Variants in ATP8B1 observed in about 807,000 individuals in gnomAD.
ATP8B1 encodes the protein phospholipid-transporting ATPase IC.
A neutral mutation model predicts 149.9 loss-of-function variants in ATP8B1; 80 were observed. The observed-to-expected ratio is 0.53, with a 90% CI of 0.45 to 0.64. ATP8B1 has a LOEUF of 0.64. Ranked by LOEUF, ATP8B1 falls within the 30% of genes least tolerant of loss-of-function variation. ATP8B1 has a pLI of 0.00. For missense variants in ATP8B1, 1,247 were observed against 1,552.6 expected (o/e 0.80, Z 3.31); for synonymous variants, 536 against 562.8 (o/e 0.95, Z 0.67).
At position 57,647,198 on chromosome 18, in the gene ATP8B1, C is replaced by A. The variant is rs1319782606; in HGVS notation, c.*1290G>T. The stretch of plus-strand genomic sequence containing the variant: ...ACTGATATCCTCAGTTTTTAAAAAC[C>A]CCCTTTTTAAGCCCATAAATATTTA... On this transcript the variant is annotated 3_prime_UTR_variant, in exon 28 of 28. Coordinates refer to ENST00000648908, the MANE Select transcript of ATP8B1 (RefSeq NM_001374385.1). The A allele has an allele frequency of 6.6e-6, 1 of 152,024 alleles. No homozygotes were observed. The highest frequency in any genetic ancestry group is 1.5e-5 in the Non-Finnish European group (1 of 67,984). The allele number at this position is 152,024 out of a possible 1,614,324, so 9.4% of individuals were successfully genotyped here.
At chr18:57,713,561 G>C (rs1913840962) in intron 2 of ATP8B1, among the ~76,000 whole-genome samples, 1 of 151,400 alleles carries the variant, frequency 6.6e-6, no homozygotes, top group African/African-American at 2.4e-5. Flanking sequence ...TGCGATCTCA[G>C]CTCACTGCAA....
chr18:57,648,416 A>T lies in ATP8B1; in HGVS notation c.*72T>A, dbSNP rs538588768. 1.5e-4 allele frequency: 235 copies of T among 1,522,766 alleles called. No homozygotes were observed. Among genetic ancestry groups the T allele is most frequent in the Non-Finnish European group, 2.1e-4 (227 of 1,100,976 alleles). The allele number at this position is 1,522,766 out of a possible 1,614,324, so 94.3% of individuals were successfully genotyped here. On this transcript the variant is annotated 3_prime_UTR_variant, in exon 28 of 28. Transcript: ENST00000648908. ...TGATGAATGCAATTCACACACACAC[A>T]CAAAGTCCTGAGAGTCTTTCATAAA...
intron 2 of ATP8B1, among the ~76,000 whole-genome samples, chr18:57,730,395 A>C (rs77003136): frequency 7.6e-3 from 2 of 264 alleles, no homozygotes; most frequent in African/African-American, 0.012. Flanking sequence ...ACACTATGAT[A>C]ATGATTTCTG....
intron 6 of ATP8B1, among the ~76,000 whole-genome samples, chr18:57,698,996 A>T (rs1912975253): frequency 6.6e-6 from 1 of 152,200 alleles, no homozygotes; most frequent in Admixed American, 6.5e-5. Context: ...TGCCTCCAAC[A>T]TGCAGAAAGT....
chr18:57,735,244 C>A, intron 1 of ATP8B1: 1 of 169,246 alleles, frequency 5.9e-6, no homozygotes, highest in Non-Finnish European at 1.2e-5. Flanking sequence ...TGACTTCCAT[C>A]CCTCCAATCC....
intron 4 of ATP8B1, among the ~76,000 whole-genome samples, chr18:57,702,976 A>G (rs1913206346): frequency 6.6e-6 from 1 of 152,114 alleles, no homozygotes; most frequent in South Asian, 2.1e-4. Flanking sequence ...GAAGGAAGTA[A>G]GGGAAAATGG....
At chr18:57,764,757 C>CAAAAAAAAAA (rs71171091) in intron 1 of ATP8B1, among the ~76,000 whole-genome samples, 1 of 104,174 alleles carries the variant, frequency 9.6e-6, no homozygotes. Flanking sequence ...TTTCAGTTGT[C>CAAAAAAAAAA]AAAAAAAAAA....
intron 13 of ATP8B1, among the ~76,000 whole-genome samples, chr18:57,687,071 C>T (rs1912287466): frequency 6.6e-6 from 1 of 152,104 alleles, no homozygotes; most frequent in African/African-American, 2.4e-5. Flanking sequence ...TCAAGCAATC[C>T]TCCCACCTTG....
At position 57,684,159 on chromosome 18, in the gene ATP8B1, C is replaced by A; in HGVS notation, c.1507G>T (p.Gly503Trp). 1 of 1,614,036 alleles carries A rather than the reference C, an allele frequency of 6.2e-7. No individual in the cohort carries two copies. Among genetic ancestry groups the A allele is most frequent in the South Asian group, 1.1e-5 (1 of 91,076 alleles). The change falls in exon 15 of 28, where the codon GGG becomes TGG. Residue 503 changes from glycine (G) to tryptophan (W), a missense_variant. Physicochemically the swap from Gly to Trp is radical, Grantham distance 184. Coordinates refer to ENST00000648908, the MANE Select transcript of ATP8B1 (RefSeq NM_001374385.1). ...VDFSWNTYAD[G>W]KLAFYDHYLI... is the part of the protein sequence containing the mutation. ...TAGTGGTCATAAAATGCAAGCTTCC[C>A]ATCAGCATATGTATTCCAGCTAAAA...
intron 1 of ATP8B1, among the ~76,000 whole-genome samples, chr18:57,757,771 A>T (rs536865019): frequency 6.6e-6 from 1 of 152,306 alleles, no homozygotes; most frequent in Non-Finnish European, 1.5e-5. Flanking sequence ...GTATCACTAC[A>T]TAAAGTATAT....
chr18:57,648,329 TGTTTAATAGTCCAACCCAAGGA>T lies in ATP8B1; in HGVS notation c.*137_*158del. ...AAGTCCTATTTCTTGGCTCTGCTATTGTTTAATAGTCCAACCCAAGGAGTTTGTTATAAAGATTATTTATTGT... is the reference window on the plus strand; with the variant it reads ...AAGTCCTATTTCTTGGCTCTGCTATTGTTTGTTATAAAGATTATTTATTGT... On this transcript the variant is annotated 3_prime_UTR_variant, in exon 28 of 28. Transcript: ENST00000648908. The T allele has an allele frequency of 1.1e-6, 1 of 896,944 alleles. No homozygotes were observed. The highest frequency in any genetic ancestry group is 1.8e-6 in the Non-Finnish European group (1 of 567,200). 55.6% of individuals were successfully genotyped at this position (896,944 alleles called of 1,614,324 possible).
chr18:57,695,913 TTC>T (rs1912784243), intron 8 of ATP8B1, among the ~76,000 whole-genome samples: 1 of 152,224 alleles, frequency 6.6e-6, no homozygotes, highest in African/African-American at 2.4e-5. Context: ...GTTACAGAAA[TTC>T]TGTTTCGCCT....
intron 15 of ATP8B1, among the ~76,000 whole-genome samples, chr18:57,676,521 C>T (rs779614472): frequency 9.2e-5 from 14 of 151,474 alleles, no homozygotes; most frequent in Non-Finnish European, 1.8e-4. Flanking sequence ...AGATGGAGAC[C>T]ATCCTGGCTA....
intron 6 of ATP8B1, among the ~76,000 whole-genome samples, chr18:57,698,121 CTTA>C (rs1010238838): frequency 2.0e-5 from 3 of 152,128 alleles, no homozygotes; most frequent in Non-Finnish European, 2.9e-5. Flanking sequence ...ATGGGGGCCA[CTTA>C]TGTGCGTGGC....
At chr18:57,656,743 G>T (rs572071819) in intron 22 of ATP8B1, among the ~76,000 whole-genome samples, 2 of 150,114 alleles carry the variant, frequency 1.3e-5, no homozygotes, top group African/African-American at 2.5e-5. Flanking sequence ...GGAGAGAGGG[G>T]TGGGGAGGAG....
At chr18:57,754,445 AATAT>A (rs10564119) in intron 1 of ATP8B1, among the ~76,000 whole-genome samples, 4 of 135,898 alleles carry the variant, frequency 2.9e-5, no homozygotes, top group Non-Finnish European at 4.7e-5. Context: ...CTAACAAAAA[AATAT>A]ATATATATAT....
chr18:57,762,191 T>C (rs1258409639), intron 1 of ATP8B1, among the ~76,000 whole-genome samples: 1 of 151,482 alleles, frequency 6.6e-6, no homozygotes, highest in African/African-American at 2.4e-5. Context: ...CAGGCTGTAG[T>C]GCAGTAATGT....
At chr18:57,795,926 TG>T (rs1425551013) in intron 1 of ATP8B1, among the ~76,000 whole-genome samples, 1 of 151,502 alleles carries the variant, frequency 6.6e-6, no homozygotes, top group African/African-American at 2.4e-5. Flanking sequence ...CCCAACACTT[TG>T]GGAGGCTAAG....
intron 2 of ATP8B1, 76 bp from the exon 3 acceptor site, chr18:57,706,663 A>G (rs771627087): frequency 2.7e-5 from 33 of 1,221,816 alleles, no homozygotes; most frequent in Non-Finnish European, 3.6e-5. Context: ...TCTTCCCCAG[A>G]TTCAAATGTT....
Sources: gnomAD v4.1 joint callset for allele counts (sites outside exome capture counted in the v4.1 genomes callset) on GRCh38, gnomAD v4.1.1 for gene constraint, MANE v1.5 for transcripts, NCBI Gene and HGNC (gene_info 2026-07-23, HGNC 2026-07-21) for gene names.